Variants in LUZP2 observed in about 807,000 individuals in gnomAD.
LUZP2 encodes the protein leucine zipper protein 2.
Under a neutral mutation model 51.6 loss-of-function variants are expected in LUZP2, and 52 were observed. The ratio of observed to expected loss-of-function variants is 1.01; its 90% CI spans 0.81 to 1.27. The LOEUF (loss-of-function observed/expected upper bound fraction) is 1.27. LUZP2 is among the 50% of genes most tolerant of loss of function. LUZP2 has a pLI of 0.00. For missense variants in LUZP2, 436 were observed against 395.4 expected, an observed-to-expected ratio of 1.10 and a Z score of -0.87; for synonymous variants, 154 against 137.3, an observed-to-expected ratio of 1.12 and a Z score of -0.85.
chr11:25,001,546 A>G (rs1334501302), intron 9 of LUZP2, among the ~76,000 whole-genome samples: 2 of 152,172 alleles, frequency 1.3e-5, no homozygotes, highest in African/African-American at 2.4e-5. Context: ...TTTTCAGGCT[A>G]TGGCCTTGTT....
chr11:25,021,348 CA>C (rs1476060344), intron 9 of LUZP2, among the ~76,000 whole-genome samples: 1 of 150,990 alleles, frequency 6.6e-6, no homozygotes, highest in Non-Finnish European at 1.5e-5. Context: ...TAGCCATGCA[CA>C]AAAAAACAAG....
At chr11:24,978,244 C>G (rs1375952932) in intron 8 of LUZP2, among the ~76,000 whole-genome samples, 1 of 151,674 alleles carries the variant, frequency 6.6e-6, no homozygotes, top group African/African-American at 2.4e-5. Flanking sequence ...CCAATTTAAG[C>G]TAATCTCTGA....
At chr11:25,062,605 A>AAC (rs1263905548) in intron 10 of LUZP2, among the ~76,000 whole-genome samples, 4 of 149,032 alleles carry the variant, frequency 2.7e-5, no homozygotes, top group Non-Finnish European at 6.0e-5. Context: ...AAAAAAAAAA[A>AAC]AAAAAAAAGA....
chr11:24,943,751 G>T (rs1046330961), intron 7 of LUZP2, among the ~76,000 whole-genome samples: 3 of 151,788 alleles, frequency 2.0e-5, no homozygotes, highest in Non-Finnish European at 4.4e-5. Context: ...CGTGGTGCAT[G>T]CCTGTAATCC....
chr11:24,630,009 A>AT (rs34855328), intron 1 of LUZP2, among the ~76,000 whole-genome samples: 2,499 of 145,934 alleles, frequency 0.017, 67 homozygotes, highest in African/African-American at 0.058. Flanking sequence ...AAAAATGTCT[A>AT]TTTTTTTTTT....
intron 5 of LUZP2, among the ~76,000 whole-genome samples, chr11:24,816,325 A>T (rs1850182225): frequency 6.6e-6 from 1 of 151,698 alleles, no homozygotes; most frequent in Non-Finnish European, 1.5e-5. Flanking sequence ...TGATAGTGTC[A>T]CCTCAACAGT....
chr11:24,858,062 G>T (rs10834508), intron 5 of LUZP2, among the ~76,000 whole-genome samples: 23,644 of 151,946 alleles, frequency 0.16, 1,993 homozygotes, highest in African/African-American at 0.21. Context: ...ACTTACTAGG[G>T]TGTCTTTGGC....
chr11:24,700,580 G>GTT (rs59343292), intron 1 of LUZP2, among the ~76,000 whole-genome samples: 1 of 150,236 alleles, frequency 6.7e-6, no homozygotes, highest in South Asian at 2.1e-4. Flanking sequence ...CAGAAATTGT[G>GTT]TTTTTTTTTT....
intron 5 of LUZP2, among the ~76,000 whole-genome samples, chr11:24,877,998 T>A (rs1458878047): frequency 1.3e-5 from 2 of 152,108 alleles, no homozygotes; most frequent in African/African-American, 4.8e-5. Flanking sequence ...TTTCGTTATC[T>A]CTTCATCTGT....
chr11:24,897,645 C>T (rs1245988321), intron 5 of LUZP2, among the ~76,000 whole-genome samples: 1 of 152,190 alleles, frequency 6.6e-6, no homozygotes, highest in Non-Finnish European at 1.5e-5. Flanking sequence ...AAACTCTGGA[C>T]ACACATATTT....
At chr11:24,662,526 A>C (rs1312589612) in intron 1 of LUZP2, among the ~76,000 whole-genome samples, 1 of 152,146 alleles carries the variant, frequency 6.6e-6, no homozygotes, top group African/African-American at 2.4e-5. Context: ...TTGAAATCGA[A>C]ACATCATTCT....
chr11:24,516,944 C>T (rs954410091), intron 1 of LUZP2, among the ~76,000 whole-genome samples: 58 of 152,108 alleles, frequency 3.8e-4, no homozygotes, highest in African/African-American at 1.3e-3. Flanking sequence ...GAAATAAACT[C>T]TGTGATACAA....
At chr11:24,921,820 C>A (rs929977190) in intron 7 of LUZP2, among the ~76,000 whole-genome samples, 4 of 152,026 alleles carry the variant, frequency 2.6e-5, no homozygotes, top group Non-Finnish European at 5.9e-5. Context: ...GGAATCAATT[C>A]CCTGTGTAAT....
At chr11:24,977,133 GTTTATA>G (rs1420038254) in intron 8 of LUZP2, among the ~76,000 whole-genome samples, 1 of 151,538 alleles carries the variant, frequency 6.6e-6, no homozygotes, top group Admixed American at 6.6e-5. Flanking sequence ...ATATAGCAAT[GTTTATA>G]TTAATAATAA....
intron 1 of LUZP2, among the ~76,000 whole-genome samples, chr11:24,675,315 G>A (rs1369331574): frequency 6.6e-6 from 1 of 152,132 alleles, no homozygotes; most frequent in Non-Finnish European, 1.5e-5. Context: ...AAATCTGTTT[G>A]CTATTAAGGG....
intron 5 of LUZP2, among the ~76,000 whole-genome samples, chr11:24,766,778 G>GT (rs1215292737): frequency 4.6e-5 from 7 of 152,244 alleles, no homozygotes; most frequent in Admixed American, 2.0e-4. Context: ...TTTCTTTACT[G>GT]TTTTTCTTAG....
At chr11:24,803,036 A>C (rs1590556841) in intron 5 of LUZP2, among the ~76,000 whole-genome samples, 1 of 152,082 alleles carries the variant, frequency 6.6e-6, no homozygotes, top group Non-Finnish European at 1.5e-5. Flanking sequence ...AGCATCAAAA[A>C]CAGACTAAGA....
intron 3 of LUZP2, among the ~76,000 whole-genome samples, chr11:24,732,723 A>T (rs2133973315): frequency 6.6e-6 from 1 of 151,878 alleles, no homozygotes; most frequent in African/African-American, 2.4e-5. Flanking sequence ...TACGATTTTT[A>T]AATTGCTTTT....
chr11:24,601,930 GTATATA>G (rs1565019734), intron 1 of LUZP2, among the ~76,000 whole-genome samples: 1 of 120,400 alleles, frequency 8.3e-6, no homozygotes, highest in African/African-American at 3.3e-5. Context: ...GTATATATAT[GTATATA>G]TGTATATATG....
Sources: allele counts gnomAD v4.1 joint callset (sites outside exome capture counted in the v4.1 genomes callset), GRCh38; gene constraint gnomAD v4.1.1; transcripts MANE v1.5; gene names NCBI Gene and HGNC (gene_info 2026-07-23, HGNC 2026-07-21).